The following LRFN5 variants were observed in gnomAD, a reference collection of about 807,000 sequenced individuals.
The protein encoded by LRFN5 is leucine-rich repeat and fibronectin type-III domain-containing protein 5.
Under a neutral mutation model 45.6 loss-of-function variants are expected in LRFN5, and 24 were observed. The ratio of observed to expected loss-of-function variants is 0.53; its 90% CI spans 0.38 to 0.74. The LOEUF (loss-of-function observed/expected upper bound fraction) is 0.74, where lower values mean the gene tolerates loss of function less well. Among genes scored for constraint, LRFN5 ranks in the 30% least tolerant of loss-of-function variants. The pLI is 0.00. For missense variants in LRFN5, 776 were observed against 861.5 expected (o/e 0.90, Z 1.24); for synonymous variants, 340 against 313.8 (o/e 1.08, Z -0.88).
At chr14:41,658,624 C>T (rs563813733) in intron 1 of LRFN5, among the ~76,000 whole-genome samples, 7 of 151,956 alleles carry the variant, frequency 4.6e-5, no homozygotes, top group Middle Eastern at 3.4e-3. Flanking sequence ...GCCAATGATA[C>T]GCAATTATCC....
chr14:41,886,593 T>C lies in LRFN5; in HGVS notation c.-20-13T>C. On this transcript the variant is annotated splice_polypyrimidine_tract_variant and intron_variant, in intron 2 of 5. Coordinates refer to ENST00000298119, the MANE Select transcript of LRFN5 (RefSeq NM_152447.5). ...CTGGATGCTAACATTCTATTTTGTG[T>C]CTTCCGTTACAGGCTCTTAAACCTG... is the stretch of plus-strand genomic sequence containing the variant. 1 of 1,491,078 alleles carries C rather than the reference T, an allele frequency of 6.7e-7. No individual in the cohort carries two copies. Among genetic ancestry groups the C allele is most frequent in the South Asian group, 1.3e-5 (1 of 74,092 alleles). 92.4% of individuals were successfully genotyped at this position (1,491,078 alleles called of 1,614,324 possible).
At chr14:41,783,444 T>C (rs1389740646) in intron 2 of LRFN5, among the ~76,000 whole-genome samples, 1 of 152,130 alleles carries the variant, frequency 6.6e-6, no homozygotes, top group Non-Finnish European at 1.5e-5. Flanking sequence ...CCATGAAAAG[T>C]CACTGATATT....
intron 3 of LRFN5, 122 bp from the exon 4 acceptor site, chr14:41,891,128 A>G (rs2139161432): frequency 2.6e-6 from 2 of 782,432 alleles, no homozygotes; most frequent in African/African-American, 1.8e-5. Flanking sequence ...ATTTTTCAAT[A>G]ATTCATATGT....
In LRFN5 at chr14:41,736,780, A is replaced by G. The variant is rs143508892; in HGVS notation, c.-196-30074A>G. On this transcript the variant is annotated intron_variant, in intron 1 of 5. Coordinates refer to ENST00000298119, the MANE Select transcript of LRFN5 (RefSeq NM_152447.5). Reference sequence around the variant, plus strand: ...AATGGATAAATTCCTGGACACATACACCCTTCCAAGATTAAACCAGGAAGA... The same window carrying G: ...AATGGATAAATTCCTGGACACATACGCCCTTCCAAGATTAAACCAGGAAGA... 1.1e-4 allele frequency among the ~76,000 whole-genome samples: 16 copies of G among 152,248 alleles called. No individual in the cohort carries two copies. The East Asian group carries it at 3.1e-3, about 29-fold the overall frequency.
intron 1 of LRFN5, among the ~76,000 whole-genome samples, chr14:41,734,316 T>TTATTTATATATATATATATA (rs1441190358): frequency 1.3e-4 from 5 of 38,768 alleles, no homozygotes; most frequent in Admixed American, 4.0e-4. Context: ...TGGACTGGTT[T>TTATTTATATATATATATATA]TATATATATA....
intron 1 of LRFN5, among the ~76,000 whole-genome samples, chr14:41,616,335 C>A (rs151064216): frequency 4.6e-5 from 7 of 152,102 alleles, no homozygotes; most frequent in Admixed American, 4.6e-4. Context: ...CTGCTAACCA[C>A]TTCTCCTTTA....
intron 1 of LRFN5, among the ~76,000 whole-genome samples, chr14:41,644,415 G>A (rs920094607): frequency 2.6e-5 from 4 of 152,176 alleles, no homozygotes; most frequent in African/African-American, 9.7e-5. Flanking sequence ...AATCTATCAT[G>A]CATTTAGGAA....
chr14:41,717,232 C>T (rs528574941), intron 1 of LRFN5, among the ~76,000 whole-genome samples: 1 of 152,202 alleles, frequency 6.6e-6, no homozygotes, highest in Non-Finnish European at 1.5e-5. Flanking sequence ...CACTCAACCT[C>T]TATTACATCC....
chr14:41,658,427 T>G (rs945410573), intron 1 of LRFN5, among the ~76,000 whole-genome samples: 1 of 152,006 alleles, frequency 6.6e-6, no homozygotes, highest in African/African-American at 2.4e-5. Flanking sequence ...AGGTGAATAA[T>G]AATTCATTGA....
chr14:41,888,058 A>G, intron 3 of LRFN5, 48 bp downstream of exon 3: 1 of 1,429,120 alleles, frequency 7.0e-7, no homozygotes, highest in Non-Finnish European at 9.5e-7. Flanking sequence ...ATCTTAGTGT[A>G]GAATTTGTTA....
At chr14:41,867,835 CT>C (rs1889892281) in intron 2 of LRFN5, among the ~76,000 whole-genome samples, 1 of 151,490 alleles carries the variant, frequency 6.6e-6, no homozygotes, top group Non-Finnish European at 1.5e-5. Flanking sequence ...CCCTCTTTGT[CT>C]TATGCTAACT....
At chr14:41,875,366 G>A (rs971057027) in intron 2 of LRFN5, among the ~76,000 whole-genome samples, 2 of 152,224 alleles carry the variant, frequency 1.3e-5, no homozygotes, top group African/African-American at 4.8e-5. Context: ...CTTAGCACTA[G>A]CCTTTTCTAG....
intron 2 of LRFN5, among the ~76,000 whole-genome samples, chr14:41,880,214 AC>A (rs1890333496): frequency 6.6e-6 from 1 of 151,922 alleles, no homozygotes; most frequent in African/African-American, 2.4e-5. Context: ...GGTGTGAGCC[AC>A]CGCGCCCGGC....
intron 2 of LRFN5, among the ~76,000 whole-genome samples, chr14:41,801,966 G>A (rs895197743): frequency 2.6e-5 from 4 of 152,064 alleles, no homozygotes; most frequent in Non-Finnish European, 5.9e-5. Context: ...GAATGGACTC[G>A]AAATTCCCAG....
intron 1 of LRFN5, among the ~76,000 whole-genome samples, chr14:41,670,813 T>G (rs962842096): frequency 1.3e-5 from 2 of 152,044 alleles, no homozygotes; most frequent in African/African-American, 4.8e-5. Flanking sequence ...TTTTCTGTTT[T>G]TTAACTTCCA....
chr14:41,638,940 C>A (rs1879435054), intron 1 of LRFN5, among the ~76,000 whole-genome samples: 1 of 151,954 alleles, frequency 6.6e-6, no homozygotes, highest in Non-Finnish European at 1.5e-5. Context: ...ATAACTTTGG[C>A]ATCTGCTAGA....
chr14:41,778,373 C>T (rs1007084514), intron 2 of LRFN5, among the ~76,000 whole-genome samples: 1 of 151,598 alleles, frequency 6.6e-6, no homozygotes, highest in African/African-American at 2.4e-5. Context: ...TTATCTTCTT[C>T]TGGGCTATAA....
chr14:41,757,708 G>T (rs942513318), intron 1 of LRFN5, among the ~76,000 whole-genome samples: 2 of 152,168 alleles, frequency 1.3e-5, no homozygotes, highest in Non-Finnish European at 2.9e-5. Context: ...CGCTTGCCAG[G>T]TGAGGCGATG....
intron 4 of LRFN5, chr14:41,892,955 C>T: frequency 1.0e-6 from 1 of 985,172 alleles, no homozygotes; most frequent in Non-Finnish European, 1.2e-6. Context: ...ACAAGACTGC[C>T]TTTATCAAAG....
Sources: allele counts gnomAD v4.1 joint callset (sites outside exome capture counted in the v4.1 genomes callset), GRCh38; gene constraint gnomAD v4.1.1; transcripts MANE v1.5; gene names NCBI Gene and HGNC (gene_info 2026-07-23, HGNC 2026-07-21).